RBFOX1: variants seen among roughly 807,000 people sequenced by gnomAD.
The protein encoded by RBFOX1 is RNA binding fox-1 homolog 1, also known as RNA binding protein fox-1 homolog 1.
Under a neutral mutation model 57.7 loss-of-function variants are expected in RBFOX1, and 8 were observed. The observed-to-expected ratio is 0.14, with a 90% confidence interval of 0.08 to 0.25. The LOEUF is 0.25. RBFOX1 is among the 10% of genes least tolerant of loss of function. The pLI is 1.00. For synonymous variants in RBFOX1, 326 were observed against 222.4 expected (o/e 1.47, Z -4.15); for missense variants, 611 against 548.5 (o/e 1.11, Z -1.14).
chr16:5,750,607 G>T (rs1202601714), intron 3 of RBFOX1, among the ~76,000 whole-genome samples: 1 of 152,158 alleles, frequency 6.6e-6, no homozygotes, highest in South Asian at 2.1e-4. Context: ...CTTGCAGTTC[G>T]ATCTCAGACG....
At chr16:7,573,419 T>C (rs1179669012) in intron 5 of RBFOX1, among the ~76,000 whole-genome samples, 2 of 152,124 alleles carry the variant, frequency 1.3e-5, no homozygotes, top group Admixed American at 1.3e-4. Flanking sequence ...TCTAACATCC[T>C]TACTTTACTG....
chr16:6,659,773 G>T (rs7190184), intron 3 of RBFOX1, among the ~76,000 whole-genome samples: 1,748 of 152,252 alleles, frequency 0.011, 36 homozygotes, highest in African/African-American at 0.039. Flanking sequence ...CCGGGAAGTA[G>T]TTGGCACCCA....
At position 5,536,228 on chromosome 16, in the gene RBFOX1, CTTTTTTTT is replaced by C. The variant is rs57061495; in HGVS notation, c.259-62655_259-62648del. ...AGTGCTTTGCTTGGAAATCTCCTGT[CTTTTTTTT>C]TTTTTTTTTTTTTTTTTTAGATGGA... On this transcript the variant is annotated intron_variant, in intron 2 of 2. Coordinates refer to the RBFOX1 transcript ENST00000585867. 2.6e-3 allele frequency among the ~76,000 whole-genome samples: 271 copies of C among 103,520 alleles called. 2 individuals are homozygous for C. Among genetic ancestry groups the C allele is most frequent in the Admixed American group, 5.2e-3 (49 of 9,470 alleles). The allele number at this position is 103,520 out of a possible 152,430, so 67.9% of individuals were successfully genotyped here. A position where few individuals can be genotyped will look rare whatever the true frequency, so the allele number is the denominator to read the frequency against.
At chr16:7,309,236 T>C (rs2096258525) in intron 4 of RBFOX1, among the ~76,000 whole-genome samples, 1 of 152,246 alleles carries the variant, frequency 6.6e-6, no homozygotes, top group South Asian at 2.1e-4. Flanking sequence ...CATGAAATGT[T>C]AGGCTGTTAT....
intron 1 of RBFOX1, among the ~76,000 whole-genome samples, chr16:6,231,159 C>G (rs937901213): frequency 2.6e-5 from 4 of 151,428 alleles, no homozygotes; most frequent in African/African-American, 9.7e-5. Flanking sequence ...AGGGTACAGT[C>G]AAGGAAAAGG....
At chr16:5,889,683 G>C (rs899257064) in intron 4 of RBFOX1, among the ~76,000 whole-genome samples, 3 of 152,212 alleles carry the variant, frequency 2.0e-5, no homozygotes, top group African/African-American at 7.2e-5. Context: ...AAAAGCCAAC[G>C]TGGAGGAGCG....
At chr16:6,624,901 G>T (rs928274913) in intron 2 of RBFOX1, among the ~76,000 whole-genome samples, 22 of 152,014 alleles carry the variant, frequency 1.4e-4, no homozygotes, top group African/African-American at 5.3e-4. Flanking sequence ...GGTTGCTCAC[G>T]CCTGTAATCC....
At chr16:6,558,853 C>A (rs893972507) in intron 2 of RBFOX1, among the ~76,000 whole-genome samples, 2 of 142,928 alleles carry the variant, frequency 1.4e-5, no homozygotes, top group Non-Finnish European at 3.0e-5. Flanking sequence ...CCCAAACATA[C>A]CCAGCTCCTC....
At chr16:5,396,833 T>C (rs528957184) in intron 1 of RBFOX1, among the ~76,000 whole-genome samples, 3 of 152,214 alleles carry the variant, frequency 2.0e-5, no homozygotes, top group African/African-American at 4.8e-5. Context: ...GTAGATTGAT[T>C]TCTTGAACTT....
rs967759727 is a variant in RBFOX1, at chr16:5,946,729, G to A, written c.351+79394G>A. ...AAGTACAGGCTTGCTCTGAAGTGGG[G>A]CCAGTCTTGTGGGACTGGGCCCTCA... On this transcript the variant is annotated intron_variant, in intron 4 of 19. Coordinates refer to the RBFOX1 transcript ENST00000641259. The surrounding 1 kb of genome is among the most constrained non-coding windows in gnomAD (Gnocchi z 4.6). 3.3e-5 allele frequency among the ~76,000 whole-genome samples: 5 copies of A among 152,268 alleles called. No individual in the cohort carries two copies. In the East Asian group the frequency reaches 5.8e-4, roughly 18 times the overall value.
chr16:6,611,731 T>C (rs2098058473), intron 2 of RBFOX1, among the ~76,000 whole-genome samples: 1 of 152,162 alleles, frequency 6.6e-6, no homozygotes, highest in Admixed American at 6.5e-5. Flanking sequence ...GTAGAGGGCG[T>C]GAGTGGAAAC....
At chr16:7,104,145 G>C (rs1476904438) in intron 4 of RBFOX1, among the ~76,000 whole-genome samples, 1 of 152,116 alleles carries the variant, frequency 6.6e-6, no homozygotes, top group Non-Finnish European at 1.5e-5. Context: ...TGGAAATTAA[G>C]GCCAAGATAA....
intron 1 of RBFOX1, among the ~76,000 whole-genome samples, chr16:6,265,611 T>C (rs528111994): frequency 6.6e-6 from 1 of 152,302 alleles, no homozygotes; most frequent in South Asian, 2.1e-4. Context: ...TTTAAAGACC[T>C]GAAGCCTTCT....
At chr16:5,584,545 G>T (rs1190587739) in intron 2 of RBFOX1, among the ~76,000 whole-genome samples, 1 of 152,202 alleles carries the variant, frequency 6.6e-6, no homozygotes, top group Non-Finnish European at 1.5e-5. Context: ...CCAAGGGTAG[G>T]CTGGCTTTTT....
intron 3 of RBFOX1, among the ~76,000 whole-genome samples, chr16:5,797,748 T>A (rs1263112588): frequency 6.6e-6 from 1 of 152,214 alleles, no homozygotes; most frequent in Non-Finnish European, 1.5e-5. Context: ...TAGATTTTAT[T>A]GGAATTAAGC....
intron 1 of RBFOX1, among the ~76,000 whole-genome samples, chr16:5,409,385 C>G (rs187299505): frequency 6.6e-6 from 1 of 152,292 alleles, no homozygotes; most frequent in East Asian, 1.9e-4. Flanking sequence ...CCTAAAAGAC[C>G]CTTTCTAATT....
At chr16:6,883,376 A>G (rs2063341612) in intron 3 of RBFOX1, among the ~76,000 whole-genome samples, 1 of 152,236 alleles carries the variant, frequency 6.6e-6, no homozygotes, top group Non-Finnish European at 1.5e-5. Context: ...AGTAAATCAC[A>G]GCCTTTAAAA....
At chr16:6,924,941 G>A (rs1208912218) in intron 3 of RBFOX1, among the ~76,000 whole-genome samples, 5 of 146,458 alleles carry the variant, frequency 3.4e-5, no homozygotes, top group Admixed American at 1.4e-4. Flanking sequence ...TGCGGTGTTT[G>A]GTTTTTTGCC....
intron 1 of RBFOX1, among the ~76,000 whole-genome samples, chr16:6,207,818 G>C (rs963674571): frequency 6.6e-5 from 10 of 152,028 alleles, no homozygotes; most frequent in Non-Finnish European, 1.0e-4. Context: ...CTGTTGCGTA[G>C]CTGGGACTAC....
Sources: gnomAD v4.1 joint callset for allele counts (sites outside exome capture counted in the v4.1 genomes callset) on GRCh38, gnomAD v4.1.1 for gene constraint, Gnocchi (gnomAD v3.1) non-coding constraint, MANE v1.5 for transcripts, NCBI Gene and HGNC (gene_info 2026-07-23, HGNC 2026-07-21) for gene names.